The following SMYD3 variants were observed in gnomAD, a reference collection of about 807,000 sequenced individuals.
SMYD3 encodes SET and MYND domain containing 3.
A neutral mutation model predicts 57.7 loss-of-function variants in SMYD3; 36 were observed. The ratio of observed to expected loss-of-function variants is 0.62; its 90% CI spans 0.48 to 0.82. SMYD3 has a LOEUF of 0.82. Ranked by LOEUF, SMYD3 falls within the 40% of genes least tolerant of loss-of-function variation. The pLI, the probability that SMYD3 is intolerant of heterozygous loss-of-function variation, is 0.00. For missense variants in SMYD3, 515 were observed against 538.8 expected (o/e 0.96, Z 0.44); for synonymous variants, 211 against 195.0 (o/e 1.08, Z -0.68).
intron 5 of SMYD3, among the ~76,000 whole-genome samples, chr1:246,117,270 T>A (rs1024252278): frequency 4.6e-5 from 7 of 152,238 alleles, no homozygotes; most frequent in African/African-American, 7.2e-5. Context: ...AAGATAGGAC[T>A]TTCCACTTTC....
intron 5 of SMYD3, among the ~76,000 whole-genome samples, chr1:246,031,072 T>A (rs941184710): frequency 5.9e-5 from 9 of 152,176 alleles, no homozygotes; most frequent in African/African-American, 2.2e-4. Flanking sequence ...AAACTTAGTA[T>A]GGAATCACCT....
chr1:246,227,812 T>C (rs572785171), intron 5 of SMYD3, among the ~76,000 whole-genome samples: 15 of 152,224 alleles, frequency 9.9e-5, no homozygotes, highest in African/African-American at 3.6e-4. Context: ...AAAATAATAT[T>C]AGTTTACACA....
intron 10 of SMYD3, among the ~76,000 whole-genome samples, chr1:245,815,028 G>T (rs2048723022): frequency 6.6e-6 from 1 of 152,194 alleles, no homozygotes; most frequent in Non-Finnish European, 1.5e-5. Context: ...GAGGTGAGGT[G>T]ATATCAGAAA....
At chr1:246,212,297 TAATA>T (rs1173022297) in intron 5 of SMYD3, among the ~76,000 whole-genome samples, 1 of 152,050 alleles carries the variant, frequency 6.6e-6, no homozygotes, top group Non-Finnish European at 1.5e-5. Flanking sequence ...ACATTTAAAA[TAATA>T]AATACTAAAA....
rs539800618 is a variant in SMYD3 at position 245,816,716 on chromosome 1, T to C, written c.1076+41780A>G. ...GCACCGTGCGCGAGCCGAAGCAGGG[T>C]AAGGCAATGCCTCACTCGGGAAGCG... On this transcript the variant is annotated intron_variant, in intron 10 of 11. Transcript: ENST00000490107. Among the ~76,000 whole-genome samples, 1,222 of 152,012 alleles carry C rather than the reference T, an allele frequency of 8.0e-3. 28 individuals carry two copies. Among genetic ancestry groups the C allele is most frequent in the African/African-American group, 0.028 (1,163 of 41,476 alleles).
intron 1 of SMYD3, among the ~76,000 whole-genome samples, chr1:246,443,119 A>G (rs1456519473): frequency 1.3e-5 from 2 of 152,190 alleles, no homozygotes; most frequent in Admixed American, 1.3e-4. Flanking sequence ...TATTTGCATT[A>G]AGTAACATTT....
intron 5 of SMYD3, chr1:246,322,473 T>C (rs2065266519): frequency 6.6e-6 from 1 of 151,830 alleles, no homozygotes; most frequent in Non-Finnish European, 1.5e-5. Flanking sequence ...CTTGTAGAGA[T>C]GGAGACATAC....
At chr1:246,464,631 G>A (rs981966051) in intron 1 of SMYD3, among the ~76,000 whole-genome samples, 4 of 152,228 alleles carry the variant, frequency 2.6e-5, no homozygotes, top group African/African-American at 4.8e-5. Context: ...TCTCCACGAT[G>A]GTGTCTAGGT....
intron 10 of SMYD3, among the ~76,000 whole-genome samples, chr1:245,854,299 T>C (rs1572517237): frequency 6.6e-6 from 1 of 152,174 alleles, no homozygotes; most frequent in Non-Finnish European, 1.5e-5. Flanking sequence ...AAAATAAATA[T>C]AACTTTCACT....
chr1:245,858,583 ACCT>A lies in SMYD3; in HGVS notation c.986_988del (p.Lys329_Val330delinsMet). On this transcript the variant is annotated inframe_deletion, in exon 10 of 12. Coordinates refer to ENST00000490107, the MANE Select transcript of SMYD3 (RefSeq NM_001167740.2). Reference sequence around the variant, plus strand: ...GCAGGCATCCATGGCGCAGTCGAGCACCTTCAGCTGGTAGATGTTGATATCGGG... The same window carrying A: ...GCAGGCATCCATGGCGCAGTCGAGCATCAGCTGGTAGATGTTGATATCGGG... 6.2e-7 allele frequency: 1 copy of A among 1,614,206 alleles called. No individual in the cohort carries two copies. The highest frequency in any genetic ancestry group is 1.3e-5 in the African/African-American group (1 of 75,060).
At chr1:246,346,603 C>T (rs1035897499) in intron 2 of SMYD3, among the ~76,000 whole-genome samples, 2 of 152,114 alleles carry the variant, frequency 1.3e-5, no homozygotes, top group Non-Finnish European at 2.9e-5. Context: ...CCCAGCAAAG[C>T]AGGAAGCCCC....
At position 246,393,568 on chromosome 1, in the gene SMYD3, G is replaced by A. The variant is rs941835779; in HGVS notation, c.165-38474C>T. Among the ~76,000 whole-genome samples, 48 of 150,412 alleles carry A rather than the reference G, an allele frequency of 3.2e-4. 1 individual carries two copies. The highest frequency in any genetic ancestry group is 1.1e-3 in the African/African-American group (46 of 40,940). On this transcript the variant is annotated intron_variant, in intron 1 of 11. Coordinates refer to ENST00000490107, the MANE Select transcript of SMYD3 (RefSeq NM_001167740.2). The stretch of plus-strand genomic sequence containing the variant: ...TACAGGCTAGGCATAGAATTGCCTA[G>A]TGGCTCATACCTATAATCTTGGCAC...
intron 1 of SMYD3, among the ~76,000 whole-genome samples, chr1:246,422,455 C>T (rs1436508269): frequency 1.3e-5 from 2 of 151,866 alleles, no homozygotes; most frequent in African/African-American, 2.4e-5. Context: ...GACAGAGTCT[C>T]ATTCTGTCAC....
At position 245,930,013 on chromosome 1, in the gene SMYD3, T is replaced by C. The variant is rs1468624480; in HGVS notation, c.532-76A>G. 2.3e-5 allele frequency: 30 copies of C among 1,299,934 alleles called. 1 individual carries two copies. The Middle Eastern group carries it at 1.5e-3, about 63-fold the overall frequency. The allele number at this position is 1,299,934 out of a possible 1,614,324, so 80.5% of individuals were successfully genotyped here. On this transcript the variant is annotated intron_variant, in intron 5 of 11. Transcript: ENST00000490107. ...TCATAGCCAAGAGAATAAAAAACGT[T>C]CAAACCCAAATGTAGGAGCATCTTA...
At chr1:246,292,156 C>A in intron 5 of SMYD3, among the ~76,000 whole-genome samples, 1 of 150,254 alleles carries the variant, frequency 6.7e-6, no homozygotes, top group African/African-American at 2.5e-5. Flanking sequence ...ACTTACTATC[C>A]AACACACCAG....
chr1:246,353,943 G>A (rs1400049823), intron 2 of SMYD3, among the ~76,000 whole-genome samples: 1 of 152,144 alleles, frequency 6.6e-6, no homozygotes, highest in African/African-American at 2.4e-5. Context: ...TGAGAACCTG[G>A]AACCCCTGAT....
intron 1 of SMYD3, among the ~76,000 whole-genome samples, chr1:246,442,507 C>G (rs2067485603): frequency 6.6e-6 from 1 of 151,898 alleles, no homozygotes; most frequent in Non-Finnish European, 1.5e-5. Flanking sequence ...AAGATCCCAC[C>G]ACTGCACTCC....
chr1:246,309,022 A>G (rs2065032880), intron 5 of SMYD3, among the ~76,000 whole-genome samples: 1 of 152,194 alleles, frequency 6.6e-6, no homozygotes, highest in Admixed American at 6.5e-5. Flanking sequence ...CTAAGATTTT[A>G]AAAGCTTATT....
chr1:246,029,673 GAAA>G lies in SMYD3; in HGVS notation c.532-99739_532-99737del, dbSNP rs34698516. Reference sequence around the variant, plus strand: ...GCTGACAGAGTGAGACTCTGTCTCAGAAAAAAAAAAAAAAAAAGAAAGAAAAAG... The same window carrying G: ...GCTGACAGAGTGAGACTCTGTCTCAGAAAAAAAAAAAAAAGAAAGAAAAAG... On this transcript the variant is annotated intron_variant, in intron 5 of 11. Coordinates refer to ENST00000490107, the MANE Select transcript of SMYD3 (RefSeq NM_001167740.2). Among the ~76,000 whole-genome samples the G allele has an allele frequency of 2.1e-3, 185 of 88,158 alleles. 1 individual carries two copies. Among genetic ancestry groups the G allele is most frequent in the African/African-American group, 6.0e-3 (179 of 29,824 alleles). The allele number at this position is 88,158 out of a possible 152,430, so 57.8% of individuals were successfully genotyped here. A position where few individuals can be genotyped will look rare whatever the true frequency, so the allele number is the denominator to read the frequency against.
Sources: gnomAD v4.1 joint callset for allele counts (sites outside exome capture counted in the v4.1 genomes callset) on GRCh38, gnomAD v4.1.1 for gene constraint, MANE v1.5 for transcripts, NCBI Gene and HGNC (gene_info 2026-07-23, HGNC 2026-07-21) for gene names.